RICTOR: variants seen among roughly 807,000 people sequenced by gnomAD.
The protein encoded by RICTOR is rapamycin-insensitive companion of mTOR.
A neutral mutation model predicts 214.9 loss-of-function variants in RICTOR; 49 were observed. That is an observed-to-expected ratio of 0.23 (90% CI 0.18 to 0.29). The LOEUF is 0.29. RICTOR is among the 10% of genes least tolerant of loss of function. The probability of loss-of-function intolerance (pLI) is 1.00; values close to 1 mark genes in which losing one functional copy is unlikely to be tolerated. For synonymous variants in RICTOR, 717 were observed against 711.3 expected (o/e 1.01, Z -0.13); for missense variants, 1,625 against 2,047.0 (o/e 0.79, Z 3.98).
chr5:38,966,999 C>T, intron 14 of RICTOR, 162 bp downstream of exon 14: 1 of 680,348 alleles, frequency 1.5e-6, no homozygotes, highest in Non-Finnish European at 2.6e-6. Context: ...CACAGTTTCA[C>T]CATGTTGGTC....
intron 7 of RICTOR, among the ~76,000 whole-genome samples, chr5:38,986,253 C>T (rs1428430913): frequency 6.6e-6 from 1 of 152,172 alleles, no homozygotes; most frequent in Non-Finnish European, 1.5e-5. Flanking sequence ...CTACGTAAGA[C>T]ATGCCTCACT....
At position 38,942,938 on chromosome 5, in the gene RICTOR, G is replaced by A. The variant is rs369969150; in HGVS notation, c.4947C>T (p.Asp1649=). Residue 1649 remains aspartate (D), a synonymous_variant, in exon 37 of 38, where the codon GAC becomes GAT. Transcript: ENST00000357387. ...IKEKYPQTFD[D]ICLYSEVSHL... ...GGGAAACCTCAGAGTAAAGGCATAT[G>A]TCATCAAATGTTTGAGGATACTTCT... 1.2e-6 allele frequency: 2 copies of A among 1,605,070 alleles called. No homozygotes were observed. The highest frequency in any genetic ancestry group is 1.3e-5 in the African/African-American group (1 of 74,742).
At chr5:38,988,241 T>C (rs1200899015) in intron 7 of RICTOR, among the ~76,000 whole-genome samples, 3 of 152,006 alleles carry the variant, frequency 2.0e-5, no homozygotes, top group African/African-American at 4.8e-5. Flanking sequence ...AGCTAAGTCC[T>C]GAATATCCTA....
intron 2 of RICTOR, among the ~76,000 whole-genome samples, chr5:39,050,906 T>C (rs1328989530): frequency 2.0e-5 from 3 of 152,202 alleles, no homozygotes; most frequent in African/African-American, 7.2e-5. Context: ...AAATTTTTCA[T>C]AATGAAATAT....
At chr5:39,001,645 C>T (rs1753627245) in intron 5 of RICTOR, among the ~76,000 whole-genome samples, 1 of 152,030 alleles carries the variant, frequency 6.6e-6, no homozygotes, top group African/African-American at 2.4e-5. Flanking sequence ...ATACATATAT[C>T]TGTAAAGACT....
chr5:39,061,917 C>A (rs2150206920), intron 2 of RICTOR, among the ~76,000 whole-genome samples: 1 of 151,708 alleles, frequency 6.6e-6, no homozygotes, highest in East Asian at 1.9e-4. Flanking sequence ...ACAAACTTTC[C>A]CATGAGAAAA....
chr5:39,024,540 C>A (rs1047409185), intron 2 of RICTOR, among the ~76,000 whole-genome samples: 4 of 152,118 alleles, frequency 2.6e-5, no homozygotes, highest in African/African-American at 9.7e-5. Context: ...TTTATAACAA[C>A]CCTCTAGATA....
chr5:38,966,680 T>A lies in RICTOR; in HGVS notation c.1260A>T (p.Ser420=), dbSNP rs1259239378. 2.5e-6 allele frequency: 4 copies of A among 1,595,880 alleles called. No homozygotes were observed. The highest frequency in any genetic ancestry group is 3.4e-6 in the Non-Finnish European group (4 of 1,165,682). Residue 420 remains serine, a synonymous_variant, in exon 15 of 38, where the codon TCA becomes TCT. Coordinates refer to ENST00000357387, the MANE Select transcript of RICTOR (RefSeq NM_152756.5). ...EVITNSDDHI[S]VRATILLGEL... The stretch of plus-strand genomic sequence containing the variant: ...CTCCTAAAAGGATGGTAGCTCTAAC[T>A]GAGATATGATCATCACTGTTTGTTA...
intron 2 of RICTOR, among the ~76,000 whole-genome samples, chr5:39,059,294 T>A (rs1463718768): frequency 6.6e-6 from 1 of 152,146 alleles, no homozygotes. Context: ...GTACATTTTA[T>A]AAAGTTCAAA....
At position 39,036,275 on chromosome 5, in the gene RICTOR, T is replaced by G. The variant is rs575360945; in HGVS notation, c.98-15139A>C. On this transcript the variant is annotated intron_variant, in intron 2 of 37. Transcript: ENST00000357387. ...ACAGACAAGCAAATGCTGAGAGATT[T>G]TGTCACCACCAGGCCTGCCCTAAAA... is the stretch of plus-strand genomic sequence containing the variant. Among the ~76,000 whole-genome samples, 34 of 152,320 alleles carry G rather than the reference T, an allele frequency of 2.2e-4. No homozygotes were observed. In the East Asian group the frequency reaches 5.6e-3, roughly 25 times the overall value.
chr5:38,998,629 T>C (rs1412137645), intron 5 of RICTOR, among the ~76,000 whole-genome samples: 1 of 152,198 alleles, frequency 6.6e-6, no homozygotes, highest in Non-Finnish European at 1.5e-5. Context: ...ATTGGAGTTG[T>C]CAGAGGGGAC....
chr5:38,958,851 C>T lies in RICTOR; in HGVS notation c.2179-20G>A. 7.3e-7 allele frequency: 1 copy of T among 1,370,876 alleles called. No individual in the cohort carries two copies. The highest frequency in any genetic ancestry group is 9.8e-7 in the Non-Finnish European group (1 of 1,025,602). The allele number at this position is 1,370,876 out of a possible 1,614,324, so 84.9% of individuals were successfully genotyped here. A position where few individuals can be genotyped will look rare whatever the true frequency, so the allele number is the denominator to read the frequency against. ...GCAGGCCTATAAGGATAAATGAATA[C>T]ATTAAAAAAAAAAAAAACTTCAGCA... is the stretch of plus-strand genomic sequence containing the variant. On this transcript the variant is annotated intron_variant, in intron 22 of 37. Coordinates refer to ENST00000357387, the MANE Select transcript of RICTOR (RefSeq NM_152756.5).
At chr5:38,975,318 G>A (rs1477481287) in intron 10 of RICTOR, among the ~76,000 whole-genome samples, 1 of 152,082 alleles carries the variant, frequency 6.6e-6, no homozygotes, top group East Asian at 1.9e-4. Flanking sequence ...TAATAAATAT[G>A]TGTATACTGA....
rs56346854 is a variant in RICTOR, at chr5:39,017,545, T to A, written c.195+3494A>T. 2.4e-3 allele frequency among the ~76,000 whole-genome samples: 353 copies of A among 146,952 alleles called. 1 individual carries two copies. The highest frequency in any genetic ancestry group is 7.8e-3 in the African/African-American group (313 of 40,238). ...GTCAATGTTTTTAAAAGCTGTTTTT[T>A]AAAAAAAAAAACTTTCTCATCCCTC... On this transcript the variant is annotated intron_variant, in intron 3 of 37. Transcript: ENST00000357387.
chr5:39,020,639 CT>C (rs1176450079), intron 3 of RICTOR, among the ~76,000 whole-genome samples: 27 of 152,144 alleles, frequency 1.8e-4, no homozygotes, highest in African/African-American at 6.5e-4. Context: ...TCGTGACTTG[CT>C]TTATTACAAC....
intron 5 of RICTOR, among the ~76,000 whole-genome samples, chr5:38,997,349 T>G (rs1354935133): frequency 6.6e-6 from 1 of 152,222 alleles, no homozygotes; most frequent in Non-Finnish European, 1.5e-5. Context: ...ATTTGAATTC[T>G]GAATTCACTT....
intron 5 of RICTOR, among the ~76,000 whole-genome samples, chr5:39,000,378 G>A (rs948172312): frequency 2.0e-5 from 3 of 151,750 alleles, no homozygotes; most frequent in Non-Finnish European, 4.4e-5. Flanking sequence ...GAAAAATAAT[G>A]GTCAACAACT....
chr5:38,984,720 T>C (rs1239263), intron 7 of RICTOR, among the ~76,000 whole-genome samples: 50,400 of 152,056 alleles, frequency 0.33, 9,097 homozygotes, highest in Admixed American at 0.42. Flanking sequence ...ACCAACACCA[T>C]TCCTACTTCA....
rs974503046 is a variant in RICTOR at position 39,025,425 on chromosome 5, A to C, written c.98-4289T>G. ...TTTTCTGTAACTATTTTGACTTTGC[A>C]GGCCATAAGTCTCCAATGCAGCTAT... On this transcript the variant is annotated intron_variant, in intron 2 of 37. Coordinates refer to ENST00000357387, the MANE Select transcript of RICTOR (RefSeq NM_152756.5). Among the ~76,000 whole-genome samples the C allele has an allele frequency of 4.6e-5, 7 of 152,362 alleles. No individual in the cohort carries two copies. In the South Asian group the frequency reaches 1.4e-3, roughly 32 times the overall value.
Sources: allele counts gnomAD v4.1 joint callset (sites outside exome capture counted in the v4.1 genomes callset), GRCh38; gene constraint gnomAD v4.1.1; transcripts MANE v1.5; gene names NCBI Gene and HGNC (gene_info 2026-07-23, HGNC 2026-07-21).